SYN3: variants seen among roughly 807,000 people sequenced by gnomAD.
The protein encoded by SYN3 is synapsin III, also known as synapsin-3.
SYN3 carries 35 observed loss-of-function variants against 65.8 expected under a neutral mutation model. The observed-to-expected ratio is 0.53, with a 90% CI of 0.41 to 0.70. The LOEUF (loss-of-function observed/expected upper bound fraction) is 0.70, where lower values mean the gene tolerates loss of function less well. SYN3 is among the 30% of genes least tolerant of loss of function. SYN3 has a pLI of 0.00. For missense variants in SYN3, 680 were observed against 749.0 expected, an observed-to-expected ratio of 0.91 and a Z score of 1.08; for synonymous variants, 270 against 292.9, an observed-to-expected ratio of 0.92 and a Z score of 0.80.
At chr22:32,773,692 G>A (rs369177994) in intron 6 of SYN3, among the ~76,000 whole-genome samples, 1 of 152,190 alleles carries the variant, frequency 6.6e-6, no homozygotes, top group Admixed American at 6.5e-5. Context: ...TGTATGCTGG[G>A]CTCTGGGCTG....
chr22:32,894,350 G>C (rs1244471016), intron 4 of SYN3, among the ~76,000 whole-genome samples: 8 of 152,202 alleles, frequency 5.3e-5, no homozygotes. Context: ...TCTGATAAAT[G>C]CTGTGGGTTG....
At chr22:32,679,048 C>CTTTTTTTTTTTTTTTT (rs145971116) in intron 6 of SYN3, among the ~76,000 whole-genome samples, 3 of 85,638 alleles carry the variant, frequency 3.5e-5, no homozygotes, top group South Asian at 4.3e-4. Context: ...TTGTTTCTTT[C>CTTTTTTTTTTTTTTTT]TTTTTTTTTT....
At chr22:32,620,761 C>A (rs1185734739) in intron 6 of SYN3, among the ~76,000 whole-genome samples, 1 of 151,952 alleles carries the variant, frequency 6.6e-6, no homozygotes, top group Admixed American at 6.6e-5. Flanking sequence ...ACTCTGTTGC[C>A]CAGGATGGAG....
chr22:33,052,547 G>C (rs1056858159), intron 1 of SYN3, among the ~76,000 whole-genome samples: 1 of 151,376 alleles, frequency 6.6e-6, no homozygotes, highest in South Asian at 2.1e-4. Flanking sequence ...CAATCTGCAG[G>C]GCCCTGCTGT....
intron 10 of SYN3, 30 bp downstream of exon 10, chr22:32,533,763 G>A (rs781663901): frequency 3.2e-6 from 5 of 1,539,898 alleles, no homozygotes; most frequent in Non-Finnish European, 4.5e-6. Context: ...GGCTGGACCA[G>A]CCAGGAGGAC....
At chr22:32,853,380 AC>A in intron 6 of SYN3, among the ~76,000 whole-genome samples, 1 of 152,376 alleles carries the variant, frequency 6.6e-6, no homozygotes, top group South Asian at 2.1e-4. Context: ...AGCATCCAGA[AC>A]AGTGTTGATC....
At chr22:33,016,135 C>T (rs992280420) in intron 1 of SYN3, among the ~76,000 whole-genome samples, 2 of 152,148 alleles carry the variant, frequency 1.3e-5, no homozygotes, top group South Asian at 2.1e-4. Context: ...CGTGAGCCAC[C>T]GCGCCCAGCC....
intron 4 of SYN3, among the ~76,000 whole-genome samples, chr22:32,896,244 C>T (rs1239933703): frequency 1.3e-5 from 2 of 152,036 alleles, no homozygotes; most frequent in East Asian, 3.9e-4. Flanking sequence ...CACATGAGGT[C>T]AGCAGTTCGA....
At chr22:32,867,646 A>C (rs924456170) in intron 5 of SYN3, among the ~76,000 whole-genome samples, 8 of 152,298 alleles carry the variant, frequency 5.3e-5, no homozygotes, top group East Asian at 3.9e-4. Context: ...GCAGTGGCGC[A>C]ATCTCAGCTC....
intron 2 of SYN3, among the ~76,000 whole-genome samples, chr22:32,990,769 C>T (rs1156864251): frequency 1.3e-5 from 2 of 152,152 alleles, no homozygotes; most frequent in Non-Finnish European, 2.9e-5. Flanking sequence ...AGAATATTCG[C>T]TGGCAAGGTG....
At chr22:32,641,275 C>G (rs971147706) in intron 6 of SYN3, among the ~76,000 whole-genome samples, 4 of 152,134 alleles carry the variant, frequency 2.6e-5, no homozygotes, top group African/African-American at 9.7e-5. Context: ...CTCTGCAACT[C>G]GTACGTGCTT....
intron 6 of SYN3, among the ~76,000 whole-genome samples, chr22:32,809,895 T>A (rs775846369): frequency 6.6e-6 from 1 of 152,200 alleles, no homozygotes; most frequent in Non-Finnish European, 1.5e-5. Flanking sequence ...CAGCTTAGCA[T>A]CTCTTCTCCC....
intron 6 of SYN3, among the ~76,000 whole-genome samples, chr22:32,679,972 A>G (rs1447751888): frequency 8.0e-5 from 12 of 149,116 alleles, no homozygotes; most frequent in African/African-American, 2.7e-4. Context: ...TACCTTGTCT[A>G]TATCTTTCTT....
chr22:32,538,217 C>A (rs1345089075), intron 8 of SYN3, 107 bp from the exon 9 acceptor site: 3 of 901,022 alleles, frequency 3.3e-6, no homozygotes, highest in Non-Finnish European at 3.7e-6. Flanking sequence ...ATAACTGGCT[C>A]ACGTAATGGC....
At chr22:33,055,646 A>T (rs1014892800) in intron 1 of SYN3, among the ~76,000 whole-genome samples, 5 of 152,166 alleles carry the variant, frequency 3.3e-5, no homozygotes, top group African/African-American at 1.2e-4. Context: ...TAGATAAATG[A>T]CTGTTACGAA....
intron 6 of SYN3, among the ~76,000 whole-genome samples, chr22:32,771,460 G>C (rs1210648074): frequency 6.6e-6 from 1 of 152,204 alleles, no homozygotes; most frequent in Non-Finnish European, 1.5e-5. Flanking sequence ...TGCCCAGGCT[G>C]GTGGAAACAA....
At chr22:32,693,107 C>A (rs1292158976) in intron 6 of SYN3, among the ~76,000 whole-genome samples, 1 of 152,090 alleles carries the variant, frequency 6.6e-6, no homozygotes, top group African/African-American at 2.4e-5. Context: ...TTTCCAATTA[C>A]ATACATACAT....
intron 6 of SYN3, among the ~76,000 whole-genome samples, chr22:32,598,071 A>G (rs2059228166): frequency 1.3e-5 from 2 of 152,234 alleles, no homozygotes; most frequent in South Asian, 2.1e-4. Context: ...TACTAATAAC[A>G]TAACTTCCTT....
chr22:33,055,671 G>C (rs2054243076), intron 1 of SYN3, among the ~76,000 whole-genome samples: 1 of 152,220 alleles, frequency 6.6e-6, no homozygotes. Context: ...GAATAAAAGG[G>C]AGGGAGTACA....
Sources: gnomAD v4.1 joint callset for allele counts (sites outside exome capture counted in the v4.1 genomes callset) on GRCh38, gnomAD v4.1.1 for gene constraint, MANE v1.5 for transcripts, NCBI Gene and HGNC (gene_info 2026-07-23, HGNC 2026-07-21) for gene names.